Variants in TET3 observed in about 807,000 individuals in gnomAD.
The protein encoded by TET3 is methylcytosine dioxygenase TET3.
In TET3, 19 loss-of-function variants were observed where a neutral mutation model predicts 141.4. The observed-to-expected ratio is 0.13, with a 90% confidence interval of 0.09 to 0.20. TET3 has a LOEUF of 0.20. Ranked by LOEUF, TET3 falls within the 10% of genes least tolerant of loss-of-function variation. TET3 has a pLI of 1.00. For synonymous variants in TET3, 1,043 were observed against 980.9 expected, an observed-to-expected ratio of 1.06 and a Z score of -1.18; for missense variants, 1,874 against 2,356.9, an observed-to-expected ratio of 0.80 and a Z score of 4.24.
chr2:74,002,562 G>T (rs1412544855), intron 2 of TET3, among the ~76,000 whole-genome samples: 1 of 152,090 alleles, frequency 6.6e-6, no homozygotes, highest in East Asian at 1.9e-4. Context: ...GCGCGGCTCA[G>T]CAGCACCCTC....
the TET3 span, among the ~76,000 whole-genome samples, chr2:74,120,470 C>T: frequency 7.9e-5 from 12 of 152,354 alleles, no homozygotes; most frequent in East Asian, 2.3e-3. Flanking sequence ...GTGCCTGGGC[C>T]GCTGGAGTCG....
At chr2:74,073,279 A>G (rs1029911590) in intron 4 of TET3, among the ~76,000 whole-genome samples, 8 of 152,204 alleles carry the variant, frequency 5.3e-5, no homozygotes, top group Non-Finnish European at 1.0e-4. Flanking sequence ...CGGAATCCCA[A>G]AGTGCTTAGA....
intron 8 of TET3, among the ~76,000 whole-genome samples, chr2:74,091,546 C>G (rs1228779239): frequency 6.6e-6 from 1 of 152,270 alleles, no homozygotes; most frequent in Admixed American, 6.5e-5. Context: ...GCCTCACCCC[C>G]TGCTGTGCTG....
chr2:74,132,168 C>G, the TET3 span, among the ~76,000 whole-genome samples: 18 of 152,276 alleles, frequency 1.2e-4, 1 homozygote, highest in African/African-American at 4.1e-4. Context: ...GTAACGCCTT[C>G]TCTCTCCACT....
intron 4 of TET3, among the ~76,000 whole-genome samples, chr2:74,061,318 C>T (rs1372531005): frequency 2.3e-5 from 3 of 132,806 alleles, no homozygotes; most frequent in South Asian, 2.4e-4. Context: ...TAGGGGCGGC[C>T]GGGCAGAGGC....
chr2:74,109,701 TCCA>T (rs1221594499), downstream of TET3, among the ~76,000 whole-genome samples: 1 of 152,196 alleles, frequency 6.6e-6, no homozygotes, highest in Admixed American at 6.5e-5. Flanking sequence ...CCAGGCCCTG[TCCA>T]CCACTACTCC....
chr2:74,059,058 G>C (rs1216382232), intron 4 of TET3, among the ~76,000 whole-genome samples: 1 of 152,190 alleles, frequency 6.6e-6, no homozygotes, highest in East Asian at 1.9e-4. Flanking sequence ...GTGCTTAACA[G>C]AGTAAGTTTG....
chr2:74,062,239 C>T (rs993501242), intron 4 of TET3, among the ~76,000 whole-genome samples: 1 of 152,172 alleles, frequency 6.6e-6, no homozygotes, highest in South Asian at 2.1e-4. Context: ...GCCAACACAG[C>T]GAAACCCCGT....
chr2:74,119,666 G>A, the TET3 span, among the ~76,000 whole-genome samples: 1 of 152,166 alleles, frequency 6.6e-6, no homozygotes, highest in Non-Finnish European at 1.5e-5. Flanking sequence ...AAGACTGTGT[G>A]AATAACCTAT....
At chr2:74,135,418 A>G in the TET3 span, 1 of 1,078,914 alleles carries the variant, frequency 9.3e-7, no homozygotes, top group African/African-American at 1.6e-5. Context: ...CAAAAGCTTC[A>G]GTTGTTTGTT....
At chr2:74,045,048 C>A (rs983299121) in intron 3 of TET3, among the ~76,000 whole-genome samples, 2 of 152,166 alleles carry the variant, frequency 1.3e-5, no homozygotes, top group African/African-American at 4.8e-5. Flanking sequence ...AAAAACAATA[C>A]AGGTACTTTC....
At chr2:73,984,789 C>G (rs938687441), upstream of TET3, among the ~76,000 whole-genome samples, 1 of 149,012 alleles carries the variant, frequency 6.7e-6, no homozygotes, top group African/African-American at 2.4e-5. This position sits in a 1 kb window ranked among gnomAD's most constrained non-coding sequence, Gnocchi z 5.6. Flanking sequence ...CGGGAACCAC[C>G]CCCCTCTCGC....
Position 74,087,859 on chromosome 2 carries a change from G to A in TET3, c.2709G>A (p.Lys903=). The part of the protein sequence containing the change: ...WVIRRHTLEE[K]LLCLVRHRAG... ...TCCGCAGGCACACGCTGGAGGAGAA[G>A]CTACTCTGCCTGGTGCGGCACCGGG... The change falls in exon 7 of 12, where the codon AAG becomes AAA. Residue 903 remains lysine, a synonymous_variant. Coordinates refer to ENST00000409262, the MANE Select transcript of TET3 (RefSeq NM_001287491.2). The surrounding 1 kb of genome is among the most constrained non-coding windows in gnomAD (Gnocchi z 4.3). The A allele has an allele frequency of 6.4e-7, 1 of 1,551,356 alleles. No homozygotes were observed. Among genetic ancestry groups the A allele is most frequent in the Non-Finnish European group, 8.7e-7 (1 of 1,146,814 alleles).
Position 74,065,607 on chromosome 2 carries a change from C to T in TET3, c.2495-7942C>T, listed in dbSNP as rs568708452. Among the ~76,000 whole-genome samples the T allele has an allele frequency of 8.9e-5, 12 of 134,240 alleles. No homozygotes were observed. The South Asian group carries it at 1.6e-3, about 18-fold the overall frequency. The allele number at this position is 134,240 out of a possible 152,430, so 88.1% of individuals were successfully genotyped here. On this transcript the variant is annotated intron_variant, in intron 4 of 11. Coordinates refer to ENST00000409262, the MANE Select transcript of TET3 (RefSeq NM_001287491.2). ...TGGTTCGTCCGTCCTTCCTTCCGTC[C>T]GTCCGTCCGTCCGTCCTTCCTTCCT...
chr2:74,060,477 A>G (rs1228584662), intron 4 of TET3, among the ~76,000 whole-genome samples: 2 of 152,196 alleles, frequency 1.3e-5, no homozygotes, highest in Non-Finnish European at 2.9e-5. Context: ...CGACTTACTT[A>G]AGTCACCATC....
At chr2:74,108,672 T>A (rs1015713954), downstream of TET3, among the ~76,000 whole-genome samples, 1 of 152,210 alleles carries the variant, frequency 6.6e-6, no homozygotes, top group Non-Finnish European at 1.5e-5. Context: ...CTTCTTTAAT[T>A]CAAATTGCCA....
At chr2:74,082,413 C>T (rs1008867999) in intron 6 of TET3, among the ~76,000 whole-genome samples, 6 of 152,032 alleles carry the variant, frequency 3.9e-5, no homozygotes, top group Non-Finnish European at 4.4e-5. Context: ...CAGAGCAGGA[C>T]GCATGGGGCG....
At position 74,093,511 on chromosome 2, in the gene TET3, C is replaced by T; in HGVS notation, c.3130-18C>T. The T allele has an allele frequency of 6.3e-7, 1 of 1,592,880 alleles. No individual in the cohort carries two copies. Among genetic ancestry groups the T allele is most frequent in the Non-Finnish European group, 8.6e-7 (1 of 1,168,020 alleles). On this transcript the variant is annotated intron_variant, in intron 9 of 11. Transcript: ENST00000409262. The surrounding 1 kb of genome is among the most constrained non-coding windows in gnomAD (Gnocchi z 4.2). The stretch of plus-strand genomic sequence containing the variant: ...CACCTCAGGTCATGTGAGCACCTCT[C>T]CTTGGCTGTCTACACAGGTGACCAA...
chr2:74,040,318 A>T (rs1216702655), intron 3 of TET3, among the ~76,000 whole-genome samples: 1 of 152,092 alleles, frequency 6.6e-6, no homozygotes, highest in East Asian at 1.9e-4. Flanking sequence ...GTCAGGTGAG[A>T]CAATTAAAAC....
Sources: allele counts gnomAD v4.1 joint callset (sites outside exome capture counted in the v4.1 genomes callset), GRCh38; gene constraint gnomAD v4.1.1; non-coding constraint Gnocchi (gnomAD v3.1); transcripts MANE v1.5; gene names NCBI Gene and HGNC (gene_info 2026-07-23, HGNC 2026-07-21).